SLC6A14: variants seen among roughly 807,000 people sequenced by gnomAD.
SLC6A14 encodes the protein sodium- and chloride-dependent neutral and basic amino acid transporter B(0+).
Under a neutral mutation model 51.4 loss-of-function variants are expected in SLC6A14, and 21 were observed. That is an observed-to-expected ratio of 0.41 (90% CI 0.29 to 0.59). The LOEUF is 0.59. Ranked by LOEUF, SLC6A14 falls within the 20% of genes least tolerant of loss-of-function variation. SLC6A14 has a pLI of 0.31. For synonymous variants in SLC6A14, 177 were observed against 160.7 expected, an observed-to-expected ratio of 1.10 and a Z score of -0.77; for missense variants, 371 against 472.8, an observed-to-expected ratio of 0.78 and a Z score of 2.00.
chrX:116,449,376 A>C (rs2147388727), intron 7 of SLC6A14, among the ~76,000 whole-genome samples: 1 of 111,613 alleles, frequency 9.0e-6, no homozygotes, highest in East Asian at 2.8e-4. Flanking sequence ...CAGGACTGCC[A>C]CACCCACTTC....
At chrX:116,445,824 C>T (rs782810395) in intron 6 of SLC6A14, among the ~76,000 whole-genome samples, 4 of 111,326 alleles carry the variant, frequency 3.6e-5, no homozygotes, top group African/African-American at 9.8e-5. Flanking sequence ...ACAAGAATAA[C>T]TGGGGATCTT....
chrX:116,458,175 A>G (rs1927970717), intron 13 of SLC6A14, among the ~76,000 whole-genome samples: 1 of 111,636 alleles, frequency 9.0e-6, no homozygotes, highest in Non-Finnish European at 1.9e-5. Flanking sequence ...TCTGGCTATA[A>G]TATACATCCT....
chrX:116,454,331 CACA>C lies in SLC6A14; in HGVS notation c.1301_1303del (p.Thr434del), dbSNP rs1556694601. 3 of 1,178,827 alleles carry C rather than the reference CACA, an allele frequency of 2.5e-6. No homozygotes were observed. The highest frequency in any genetic ancestry group is 3.0e-5 in the East Asian group (1 of 33,605). The stretch of plus-strand genomic sequence containing the variant: ...ATTTCTCCCCCTCTGAAGAAACGAT[CACA>C]ACAACAATTCAAGATTTATTTCCCA... On this transcript the variant is annotated inframe_deletion, in exon 10 of 14. Transcript: ENST00000598581.
chrX:116,442,790 A>G lies in SLC6A14; in HGVS notation c.450A>G (p.Glu150=), dbSNP rs782635897. The G allele has an allele frequency of 8.4e-7, 1 of 1,194,733 alleles. No homozygotes were observed. The highest frequency in any genetic ancestry group is 3.0e-5 in the East Asian group (1 of 33,297). The change falls in exon 4 of 14, where the codon GAA becomes GAG. Residue 150 remains glutamate (E), a synonymous_variant. Transcript: ENST00000598581. ...ACATGTTTGCTTCTTTTCAAAGTGA[A>G]CTACCATGGAAAAATTGTTCTTCGT... The part of the protein sequence containing the change: ...LYYMFASFQS[E]LPWKNCSSWS...
At position 116,436,681 on chromosome X, in the gene SLC6A14, C is replaced by A; in HGVS notation, c.-29C>A. The A allele has an allele frequency of 1.7e-6, 2 of 1,157,719 alleles. No homozygotes were observed. The highest frequency in any genetic ancestry group is 3.3e-5 in the East Asian group (1 of 30,604). On this transcript the variant is annotated 5_prime_UTR_variant, in exon 1 of 14. Coordinates refer to ENST00000598581, the MANE Select transcript of SLC6A14 (RefSeq NM_007231.5). ...AGCTCAGCCAGACTGCAAGAGGAGG[C>A]GAGGCGGAGCCAGCCGAGGGAGTGA... is the stretch of plus-strand genomic sequence containing the variant.
chrX:116,447,401 C>T (rs1416572383), intron 7 of SLC6A14, among the ~76,000 whole-genome samples: 2 of 111,715 alleles, frequency 1.8e-5, no homozygotes, highest in Non-Finnish European at 3.8e-5. Context: ...AAAATTGTTA[C>T]TTATACCAAA....
At chrX:116,451,051 G>A (rs1556694370) in intron 7 of SLC6A14, among the ~76,000 whole-genome samples, 2 of 112,129 alleles carry the variant, frequency 1.8e-5, no homozygotes, top group African/African-American at 6.5e-5. Context: ...ATTACAAAGT[G>A]GACATTTTAT....
In SLC6A14 at chrX:116,445,066, C is replaced by T. The variant is rs1268127396; in HGVS notation, c.789+16C>T. 7.7e-6 allele frequency: 9 copies of T among 1,163,833 alleles called. No homozygotes were observed. The highest frequency in any genetic ancestry group is 7.6e-5 in the Admixed American group (3 of 39,235). On this transcript the variant is annotated intron_variant, in intron 6 of 13. Transcript: ENST00000598581. ...GTCTGGCAAGGTAACTTGAAAAACA[C>T]ATTAGATAGCGATATAGCAGCTTTC... is the stretch of plus-strand genomic sequence containing the variant.
chrX:116,457,519 A>G, intron 12 of SLC6A14, 90 bp from the exon 13 acceptor site: 3 of 675,508 alleles, frequency 4.4e-6, no homozygotes, highest in African/African-American at 2.2e-5. Flanking sequence ...TTTTTGATAA[A>G]TCACATCTGA....
chrX:116,446,055 C>T (rs1927707515), intron 6 of SLC6A14, among the ~76,000 whole-genome samples: 1 of 100,881 alleles, frequency 9.9e-6, no homozygotes, highest in Non-Finnish European at 2.1e-5. Context: ...TTTTATTGGT[C>T]TCTGAATGAC....
chrX:116,450,885 G>A (rs1927810024), intron 7 of SLC6A14, among the ~76,000 whole-genome samples: 1 of 112,168 alleles, frequency 8.9e-6, no homozygotes, highest in Non-Finnish European at 1.9e-5. Context: ...ATTACAGTGA[G>A]CCAAGATTTC....
rs782146132 is a variant in SLC6A14, at chrX:116,455,002, T to A, written c.1430T>A (p.Ile477Asn). 2.5e-6 allele frequency: 3 copies of A among 1,205,144 alleles called. No individual in the cohort carries two copies. Among genetic ancestry groups the A allele is most frequent in the Non-Finnish European group, 3.4e-6 (3 of 891,116 alleles). ...TQAGIYWVHLIDHFCAGWGIL... is the reference protein window; with the variant it reads ...TQAGIYWVHLNDHFCAGWGIL... ...GCTGGAATTTACTGGGTTCATCTGA[T>A]TGACCACTTCTGTGCTGGATGGGGC... The change falls in exon 11 of 14, where the codon ATT (isoleucine) becomes AAT (asparagine). Residue 477 changes from isoleucine (I) to asparagine (N), a missense_variant. Transcript: ENST00000598581.
Position 116,460,552 on chromosome X carries a change from CTTTTTCCTTTT to C in SLC6A14, c.*1603_*1613del, listed in dbSNP as rs2091978823. On this transcript the variant is annotated 3_prime_UTR_variant, in exon 14 of 14. Coordinates refer to ENST00000598581, the MANE Select transcript of SLC6A14 (RefSeq NM_007231.5). ...TTGACATTCTGAGGGTTTTCTTTTTCTTTTTCCTTTTTTTTTTTTTTGGTGGGGGGCTGGGG... is the reference window on the plus strand; with the variant it reads ...TTGACATTCTGAGGGTTTTCTTTTTCTTTTTTTTTTGGTGGGGGGCTGGGG... 1.2e-5 allele frequency: 1 copy of C among 82,849 alleles called. No individual in the cohort carries two copies. Among genetic ancestry groups the C allele is most frequent in the Non-Finnish European group, 2.1e-5 (1 of 46,691 alleles). 6.8% of individuals were successfully genotyped at this position (82,849 alleles called of 1,213,427 possible).
chrX:116,459,038 A>T lies in SLC6A14; in HGVS notation c.*83A>T. On this transcript the variant is annotated 3_prime_UTR_variant, in exon 14 of 14. Coordinates refer to ENST00000598581, the MANE Select transcript of SLC6A14 (RefSeq NM_007231.5). ...ACCTTATTTATTTGTGTGTTAACTGAATAGGAAAATGTACATACTATGTTC... is the reference window on the plus strand; with the variant it reads ...ACCTTATTTATTTGTGTGTTAACTGTATAGGAAAATGTACATACTATGTTC... 2 of 801,874 alleles carry T rather than the reference A, an allele frequency of 2.5e-6. No individual in the cohort carries two copies. Among genetic ancestry groups the T allele is most frequent in the Non-Finnish European group, 3.6e-6 (2 of 561,313 alleles). 66.1% of individuals were successfully genotyped at this position (801,874 alleles called of 1,213,427 possible). A position where few individuals can be genotyped will look rare whatever the true frequency, so the allele number is the denominator to read the frequency against.
chrX:116,448,678 C>T (rs1927763622), intron 7 of SLC6A14, among the ~76,000 whole-genome samples: 1 of 111,947 alleles, frequency 8.9e-6, no homozygotes, highest in Admixed American at 9.5e-5. Context: ...TTCTTTGAAA[C>T]TCATGACTTT....
rs782185262 is a variant in SLC6A14, at chrX:116,445,132, TG to T, written c.789+83del. 1.9e-4 allele frequency: 187 copies of T among 991,279 alleles called. No individual in the cohort carries two copies. The African/African-American group carries it at 2.9e-3, about 15-fold the overall frequency. 81.7% of individuals were successfully genotyped at this position (991,279 alleles called of 1,213,427 possible). On this transcript the variant is annotated intron_variant, in intron 6 of 13. Transcript: ENST00000598581. The stretch of plus-strand genomic sequence containing the variant: ...TCAATATCAAGCATTACCAAAAGCA[TG>T]TTTTTTTTCTATAATGGGAGCATTC...
intron 7 of SLC6A14, among the ~76,000 whole-genome samples, chrX:116,450,040 C>G (rs1927792056): frequency 9.0e-6 from 1 of 111,303 alleles, no homozygotes; most frequent in African/African-American, 3.3e-5. Context: ...ACTTGAATTC[C>G]TTTAGAAGAA....
At chrX:116,442,876 C>G in intron 4 of SLC6A14, 28 bp downstream of exon 4, 1 of 1,056,949 alleles carries the variant, frequency 9.5e-7, no homozygotes, top group Non-Finnish European at 1.3e-6. Flanking sequence ...CCAAATAGTT[C>G]TTTTATATAT....
At chrX:116,450,368 C>T (rs1927799385) in intron 7 of SLC6A14, among the ~76,000 whole-genome samples, 1 of 111,585 alleles carries the variant, frequency 9.0e-6, no homozygotes, top group Non-Finnish European at 1.9e-5. Context: ...AAAAACAAAT[C>T]ATATGGAAAA....
Sources: gnomAD v4.1 joint callset for allele counts (sites outside exome capture counted in the v4.1 genomes callset) on GRCh38, gnomAD v4.1.1 for gene constraint, MANE v1.5 for transcripts, NCBI Gene and HGNC (gene_info 2026-07-23, HGNC 2026-07-21) for gene names.